The following SLC41A2 variants were observed in gnomAD, a reference collection of about 807,000 sequenced individuals.
SLC41A2 encodes the protein solute carrier family 41 member 2.
In SLC41A2, 32 loss-of-function variants were observed where a neutral mutation model predicts 58.3. That is an observed-to-expected ratio of 0.55 (90% CI 0.41 to 0.74). SLC41A2 has a LOEUF of 0.74. Ranked by LOEUF, SLC41A2 falls within the 30% of genes least tolerant of loss-of-function variation. The probability of loss-of-function intolerance (pLI) is 0.00; values close to 1 mark genes in which losing one functional copy is unlikely to be tolerated. For synonymous variants in SLC41A2, 190 were observed against 235.0 expected (o/e 0.81, Z 1.75); for missense variants, 514 against 680.6 (o/e 0.76, Z 2.72).
intron 8 of SLC41A2, among the ~76,000 whole-genome samples, chr12:104,846,757 C>G (rs2042613866): frequency 6.6e-6 from 1 of 152,122 alleles, no homozygotes; most frequent in Non-Finnish European, 1.5e-5. Flanking sequence ...CACAGGGTAG[C>G]CGGAGCATGC....
At chr12:104,891,668 T>C (rs943715190) in intron 4 of SLC41A2, among the ~76,000 whole-genome samples, 2 of 151,832 alleles carry the variant, frequency 1.3e-5, no homozygotes, top group Non-Finnish European at 2.9e-5. Flanking sequence ...ACTGTTTTTT[T>C]AACATACTAC....
At chr12:104,829,014 G>A (rs2041951293) in intron 10 of SLC41A2, among the ~76,000 whole-genome samples, 1 of 152,198 alleles carries the variant, frequency 6.6e-6, no homozygotes, top group South Asian at 2.1e-4. Flanking sequence ...CTAGGTGATA[G>A]CAAGGATGTG....
intron 8 of SLC41A2, 132 bp downstream of exon 8, chr12:104,861,159 G>A: frequency 1.9e-6 from 1 of 525,534 alleles, no homozygotes; most frequent in South Asian, 4.1e-5. Flanking sequence ...CAACAACTTG[G>A]GGTTGGAGGC....
intron 5 of SLC41A2, among the ~76,000 whole-genome samples, chr12:104,888,581 T>C (rs2044786191): frequency 6.6e-6 from 1 of 152,138 alleles, no homozygotes. Flanking sequence ...GTTATATTTG[T>C]ATTGCCACAG....
At chr12:104,889,010 T>C (rs978383651) in intron 5 of SLC41A2, 23 bp downstream of exon 5, 5 of 1,550,478 alleles carry the variant, frequency 3.2e-6, no homozygotes, top group South Asian at 2.5e-5. Flanking sequence ...GGCTATAGAG[T>C]AGACATTTAT....
At chr12:104,920,945 T>TAA (rs571172564) in intron 2 of SLC41A2, among the ~76,000 whole-genome samples, 1 of 144,874 alleles carries the variant, frequency 6.9e-6, no homozygotes, top group African/African-American at 2.6e-5. Context: ...TAAAATAAAA[T>TAA]AATAATAATA....
chr12:104,919,487 C>T (rs1565901398), intron 2 of SLC41A2, among the ~76,000 whole-genome samples: 2 of 152,218 alleles, frequency 1.3e-5, no homozygotes, highest in Admixed American at 1.3e-4. Flanking sequence ...GATATCCTTT[C>T]TCTACATGCT....
At chr12:104,855,875 G>T (rs541832926) in intron 8 of SLC41A2, among the ~76,000 whole-genome samples, 1 of 152,174 alleles carries the variant, frequency 6.6e-6, no homozygotes. Context: ...GCAGGTTTGC[G>T]GGGAAGAGGA....
intron 7 of SLC41A2, among the ~76,000 whole-genome samples, chr12:104,865,318 T>C (rs754560890): frequency 2.6e-5 from 4 of 152,226 alleles, no homozygotes; most frequent in African/African-American, 9.6e-5. Context: ...CAGATGTTTC[T>C]GAATCTAGAA....
At position 104,803,722 on chromosome 12, in the gene SLC41A2, T is replaced by C. The variant is rs1411311058; in HGVS notation, c.*1430A>G. 6.6e-6 allele frequency: 1 copy of C among 152,156 alleles called. No homozygotes were observed. The highest frequency in any genetic ancestry group is 1.5e-5 in the Non-Finnish European group (1 of 68,030). The allele number at this position is 152,156 out of a possible 1,614,324, so 9.4% of individuals were successfully genotyped here. On this transcript the variant is annotated 3_prime_UTR_variant, in exon 11 of 11. Coordinates refer to ENST00000258538, the MANE Select transcript of SLC41A2 (RefSeq NM_001352171.3). ...AGGTGTTGGTCAAGTGTTTAGAATATAGGCCAGAGTTTTAGAAAAATTATT... is the reference window on the plus strand; with the variant it reads ...AGGTGTTGGTCAAGTGTTTAGAATACAGGCCAGAGTTTTAGAAAAATTATT...
At position 104,804,963 on chromosome 12, in the gene SLC41A2, G is replaced by A. The variant is rs548611211; in HGVS notation, c.*189C>T. On this transcript the variant is annotated 3_prime_UTR_variant, in exon 11 of 11. Transcript: ENST00000258538. Reference sequence around the variant, plus strand: ...TCATTTATTCTATGAAAAGCAGCACGAATACTCTTCATTCTGGTTTTGACA... The same window carrying A: ...TCATTTATTCTATGAAAAGCAGCACAAATACTCTTCATTCTGGTTTTGACA... The A allele has an allele frequency of 1.3e-4, 65 of 496,960 alleles. No individual in the cohort carries two copies. The Admixed American group carries it at 1.4e-3, about 11-fold the overall frequency. 30.8% of individuals were successfully genotyped at this position (496,960 alleles called of 1,614,324 possible). A position where few individuals can be genotyped will look rare whatever the true frequency, so the allele number is the denominator to read the frequency against.
chr12:104,808,052 C>G (rs185831473), intron 10 of SLC41A2, among the ~76,000 whole-genome samples: 1 of 152,128 alleles, frequency 6.6e-6, no homozygotes, highest in Non-Finnish European at 1.5e-5. Context: ...ATTAAATACC[C>G]TTTATTTCCT....
intron 3 of SLC41A2, among the ~76,000 whole-genome samples, chr12:104,903,708 G>A (rs751979152): frequency 9.2e-5 from 14 of 152,094 alleles, no homozygotes; most frequent in African/African-American, 1.9e-4. Flanking sequence ...TCTTATTTAC[G>A]TTTTCTTATT....
At chr12:104,927,800 A>G (rs1368361293) in intron 2 of SLC41A2, among the ~76,000 whole-genome samples, 173 bp downstream of exon 2, 26 of 152,228 alleles carry the variant, frequency 1.7e-4, no homozygotes, top group Non-Finnish European at 3.8e-4. Flanking sequence ...GGGAAAAAAG[A>G]AAAACTCCCA....
intron 10 of SLC41A2, among the ~76,000 whole-genome samples, chr12:104,822,490 T>C (rs1035420792): frequency 6.6e-6 from 1 of 152,210 alleles, no homozygotes; most frequent in Non-Finnish European, 1.5e-5. Context: ...TTTTAAAAAA[T>C]AGCATACACA....
intron 10 of SLC41A2, among the ~76,000 whole-genome samples, chr12:104,811,550 CAAG>C (rs1367489243): frequency 6.6e-6 from 1 of 152,066 alleles, no homozygotes; most frequent in Non-Finnish European, 1.5e-5. Flanking sequence ...GAAATGAGCA[CAAG>C]AAGGGATAAA....
intron 10 of SLC41A2, among the ~76,000 whole-genome samples, chr12:104,816,818 C>T (rs2136224158): frequency 6.6e-6 from 1 of 152,258 alleles, no homozygotes; most frequent in Middle Eastern, 3.4e-3. Context: ...GACAGTTGTC[C>T]CTCGGTATCC....
intron 10 of SLC41A2, among the ~76,000 whole-genome samples, chr12:104,837,272 G>C (rs1439855772): frequency 6.6e-6 from 1 of 152,188 alleles, no homozygotes; most frequent in East Asian, 1.9e-4. Flanking sequence ...TGACGGTCAG[G>C]ATTTGGGGCA....
At chr12:104,888,943 C>T in intron 5 of SLC41A2, 90 bp downstream of exon 5, 1 of 1,272,762 alleles carries the variant, frequency 7.9e-7, no homozygotes, top group Non-Finnish European at 1.1e-6. Context: ...GTTTTCATAA[C>T]AGGTATCATT....
Sources: allele counts gnomAD v4.1 joint callset (sites outside exome capture counted in the v4.1 genomes callset), GRCh38; gene constraint gnomAD v4.1.1; transcripts MANE v1.5; gene names NCBI Gene and HGNC (gene_info 2026-07-23, HGNC 2026-07-21).